FA2H: variants seen among roughly 807,000 people sequenced by gnomAD.
The protein encoded by FA2H is fatty acid alpha-hydroxylase.
Under a neutral mutation model 44.9 loss-of-function variants are expected in FA2H, and 22 were observed. That is an observed-to-expected ratio of 0.49 (90% CI 0.35 to 0.70). The LOEUF (loss-of-function observed/expected upper bound fraction) is 0.70. Ranked by LOEUF, FA2H falls within the 30% of genes least tolerant of loss-of-function variation. The pLI is 0.01. For missense variants in FA2H, 501 were observed against 504.9 expected (o/e 0.99, Z 0.07); for synonymous variants, 243 against 213.2 (o/e 1.14, Z -1.22).
chr16:74,744,834 C>T (rs994514671), intron 1 of FA2H, among the ~76,000 whole-genome samples: 7 of 152,132 alleles, frequency 4.6e-5, no homozygotes, highest in African/African-American at 1.7e-4. Flanking sequence ...AATCTGCTCA[C>T]CTTAGTCTCC....
At chr16:74,745,973 T>C (rs1222130502) in intron 1 of FA2H, among the ~76,000 whole-genome samples, 1 of 152,026 alleles carries the variant, frequency 6.6e-6, no homozygotes, top group African/African-American at 2.4e-5. Context: ...GCCTGGCTAA[T>C]TTTTTGTATT....
intron 2 of FA2H, among the ~76,000 whole-genome samples, chr16:74,734,127 C>T (rs1237721893): frequency 6.6e-6 from 1 of 152,206 alleles, no homozygotes; most frequent in African/African-American, 2.4e-5. Flanking sequence ...GCTCGGGGGA[C>T]AGAGGGAAGG....
intron 1 of FA2H, among the ~76,000 whole-genome samples, chr16:74,766,161 T>C (rs1343716106): frequency 2.6e-5 from 4 of 152,058 alleles, no homozygotes; most frequent in Non-Finnish European, 4.4e-5. Context: ...TAGCTGGGCA[T>C]AGTGGTGGGC....
chr16:74,740,757 G>A (rs1198382256), intron 1 of FA2H, among the ~76,000 whole-genome samples: 1 of 152,104 alleles, frequency 6.6e-6, no homozygotes, highest in African/African-American at 2.4e-5. Context: ...CTTGCTTAGT[G>A]GGAGCCCTCC....
intron 1 of FA2H, among the ~76,000 whole-genome samples, chr16:74,748,617 C>T (rs1461000319): frequency 6.6e-6 from 1 of 152,188 alleles, no homozygotes; most frequent in Non-Finnish European, 1.5e-5. Flanking sequence ...CCAGCTTCCT[C>T]CAGGGTCCCA....
At chr16:74,716,218 G>C (rs1445620632) in intron 6 of FA2H, 129 bp downstream of exon 6, 6 of 1,030,610 alleles carry the variant, frequency 5.8e-6, no homozygotes, top group Non-Finnish European at 7.2e-6. Flanking sequence ...AGGGAAGAGA[G>C]TAGAGGGAAC....
At chr16:74,716,250 T>C (rs1328479719) in intron 6 of FA2H, 97 bp downstream of exon 6, 1 of 1,417,060 alleles carries the variant, frequency 7.1e-7, no homozygotes, top group Non-Finnish European at 9.8e-7. Context: ...GCCCCGTACA[T>C]GGAACAGTGC....
chr16:74,723,121 C>A (rs548176059), intron 4 of FA2H, among the ~76,000 whole-genome samples: 4 of 152,212 alleles, frequency 2.6e-5, no homozygotes, highest in Non-Finnish European at 5.9e-5. Flanking sequence ...GAGGGTACTA[C>A]GTTGGATTGC....
At chr16:74,758,312 G>A (rs1245400521) in intron 1 of FA2H, among the ~76,000 whole-genome samples, 2 of 151,602 alleles carry the variant, frequency 1.3e-5, no homozygotes, top group African/African-American at 4.8e-5. Context: ...AGTAGAGTCA[G>A]GGTTTCACTA....
intron 1 of FA2H, among the ~76,000 whole-genome samples, chr16:74,747,260 G>A (rs574223047): frequency 2.0e-5 from 3 of 152,020 alleles, no homozygotes; most frequent in East Asian, 1.9e-4. Flanking sequence ...GCAGTGAGCC[G>A]AGATCTCGCC....
rs1406286523 is a variant in FA2H at position 74,774,676 on chromosome 16, A to T, written c.80T>A (p.Val27Asp). ...GTCGTAGAGGCGGGCCCCGCGGCGG[A>T]CCCAGCACGCGCCGGCCGCCAGGCG... Reference protein sequence around the residue: ...QRRLAAGACWVRRGARLYDLS... With the variant: ...QRRLAAGACWDRRGARLYDLS... Residue 27 changes from valine to aspartate, a missense_variant, in exon 1 of 7, where the codon GTC becomes GAC. Transcript: ENST00000219368. 2.8e-6 allele frequency: 4 copies of T among 1,409,196 alleles called. No individual in the cohort carries two copies. Among genetic ancestry groups the T allele is most frequent in the Non-Finnish European group, 3.7e-6 (4 of 1,085,912 alleles). 87.3% of individuals were successfully genotyped at this position (1,409,196 alleles called of 1,614,324 possible).
At chr16:74,725,873 T>C (rs1200310109) in intron 4 of FA2H, 1 of 356,178 alleles carries the variant, frequency 2.8e-6, no homozygotes, top group Non-Finnish European at 5.5e-6. Flanking sequence ...TGTCACCCGA[T>C]GAAGTGATTT....
At chr16:74,741,808 A>ATATATATATATATATATGTGTG (rs1491185782) in intron 1 of FA2H, among the ~76,000 whole-genome samples, 10 of 48,390 alleles carry the variant, frequency 2.1e-4, no homozygotes, top group African/African-American at 4.3e-4. Context: ...ATATATATAT[A>ATATATATATATATATATGTGTG]TGTGTGTGTG....
At position 74,726,223 on chromosome 16, in the gene FA2H, A is replaced by C; in HGVS notation, c.613+2T>G. 2.5e-6 allele frequency: 4 copies of C among 1,603,700 alleles called. No individual in the cohort carries two copies. Among genetic ancestry groups the C allele is most frequent in the Non-Finnish European group, 3.4e-6 (4 of 1,170,752 alleles). Reference sequence around the variant, plus strand: ...GCAAGTCAGGAAAGAAACTGGCATTACCTGTTGTAAATGACGTGAAGAGTC... The same window carrying C: ...GCAAGTCAGGAAAGAAACTGGCATTCCCTGTTGTAAATGACGTGAAGAGTC... On this transcript the variant is annotated splice_donor_variant, in intron 4 of 6. Coordinates refer to ENST00000219368, the MANE Select transcript of FA2H (RefSeq NM_024306.5). LOFTEE classifies it high-confidence loss of function.
At chr16:74,726,014 A>C (rs1961946136) in intron 4 of FA2H, 1 of 551,620 alleles carries the variant, frequency 1.8e-6, no homozygotes, top group Non-Finnish European at 3.3e-6. Flanking sequence ...GTTTCTGCTG[A>C]TGTGTTGTTG....
intron 1 of FA2H, among the ~76,000 whole-genome samples, chr16:74,752,390 C>T (rs1415077289): frequency 6.6e-6 from 1 of 152,118 alleles, no homozygotes; most frequent in African/African-American, 2.4e-5. Flanking sequence ...AGGGCTCTTG[C>T]CCACCTCCTT....
chr16:74,733,901 G>A lies in FA2H; in HGVS notation c.363+6122C>T, dbSNP rs370974294. ...TGGACACACCCTTCCCCAGGAAAGC[G>A]TCCTATGCCACCTGGCCCTGTATTG... On this transcript the variant is annotated intron_variant, in intron 2 of 6. Coordinates refer to ENST00000219368, the MANE Select transcript of FA2H (RefSeq NM_024306.5). Among the ~76,000 whole-genome samples the A allele has an allele frequency of 6.6e-5, 10 of 152,324 alleles. No homozygotes were observed. The South Asian group carries it at 1.0e-3, about 16-fold the overall frequency.
intron 2 of FA2H, among the ~76,000 whole-genome samples, chr16:74,730,664 C>T (rs1962055038): frequency 6.6e-6 from 1 of 152,280 alleles, no homozygotes; most frequent in South Asian, 2.1e-4. Flanking sequence ...TGCAGAGCCC[C>T]ACCTTAGAAG....
chr16:74,714,013 G>C lies in FA2H; in HGVS notation c.*177C>G, dbSNP rs1961633233. The C allele has an allele frequency of 1.7e-6, 1 of 593,558 alleles. No individual in the cohort carries two copies. Among genetic ancestry groups the C allele is most frequent in the Non-Finnish European group, 3.0e-6 (1 of 331,584 alleles). 36.8% of individuals were successfully genotyped at this position (593,558 alleles called of 1,614,324 possible). A position where few individuals can be genotyped will look rare whatever the true frequency, so the allele number is the denominator to read the frequency against. ...CAAGTGGATGTGACCCTCCTACCAG[G>C]GGTCAGGAGGGCGGTCCTGCCTCAG... On this transcript the variant is annotated 3_prime_UTR_variant, in exon 7 of 7. Coordinates refer to ENST00000219368, the MANE Select transcript of FA2H (RefSeq NM_024306.5).
Sources: allele counts gnomAD v4.1 joint callset (sites outside exome capture counted in the v4.1 genomes callset), GRCh38; gene constraint gnomAD v4.1.1; transcripts MANE v1.5; gene names NCBI Gene and HGNC (gene_info 2026-07-23, HGNC 2026-07-21).